Variants in RC3H2 observed in about 807,000 individuals in gnomAD.
The protein encoded by RC3H2 is roquin-2.
A neutral mutation model predicts 133.3 loss-of-function variants in RC3H2; 31 were observed. That is an observed-to-expected ratio of 0.23 (90% CI 0.17 to 0.31). The LOEUF (loss-of-function observed/expected upper bound fraction) is 0.31, where lower values mean the gene tolerates loss of function less well. Among genes scored for constraint, RC3H2 ranks in the 10% least tolerant of loss-of-function variants. The pLI is 1.00. For missense variants in RC3H2, 1,175 were observed against 1,437.2 expected (o/e 0.82, Z 2.95); for synonymous variants, 517 against 502.2 (o/e 1.03, Z -0.40).
At chr9:122,862,889 C>T (rs1019505418) in intron 10 of RC3H2, among the ~76,000 whole-genome samples, 3 of 117,590 alleles carry the variant, frequency 2.6e-5, no homozygotes, top group African/African-American at 9.8e-5. Flanking sequence ...GAGACTCCAT[C>T]TCAAAAAAAA....
At chr9:122,892,167 A>C (rs1832204861) in intron 3 of RC3H2, among the ~76,000 whole-genome samples, 1 of 151,320 alleles carries the variant, frequency 6.6e-6, no homozygotes, top group South Asian at 2.1e-4. Flanking sequence ...GGTTGAGTGC[A>C]GTGGCACGAT....
intron 18 of RC3H2, among the ~76,000 whole-genome samples, chr9:122,851,851 C>A (rs1027296504): frequency 6.6e-6 from 1 of 152,258 alleles, no homozygotes; most frequent in African/African-American, 2.4e-5. Flanking sequence ...TCGCTACAAC[C>A]TCCACCTCCC....
At chr9:122,852,426 T>C (rs1295329705) in intron 18 of RC3H2, among the ~76,000 whole-genome samples, 64 of 77,688 alleles carry the variant, frequency 8.2e-4, no homozygotes, top group South Asian at 3.4e-3. Flanking sequence ...GCCCCCCGCC[T>C]GGCCAGCCGC....
intron 1 of RC3H2, among the ~76,000 whole-genome samples, chr9:122,901,821 C>A (rs983433298): frequency 4.6e-5 from 7 of 151,904 alleles, no homozygotes; most frequent in Non-Finnish European, 8.8e-5. Context: ...AAACTCCTGA[C>A]CTCGTGATCT....
At chr9:122,853,693 A>C (rs1177742666) in intron 18 of RC3H2, 1 of 855,170 alleles carries the variant, frequency 1.2e-6, no homozygotes, top group Non-Finnish European at 1.7e-6. Flanking sequence ...CAGAGGCTGC[A>C]GTGAGCCAAG....
Position 122,849,765 on chromosome 9 carries a change from C to CA in RC3H2, c.3437dup (p.Ser1147ValfsTer3). 1 of 1,600,206 alleles carries CA rather than the reference C, an allele frequency of 6.2e-7. No individual in the cohort carries two copies. Among genetic ancestry groups the CA allele is most frequent in the South Asian group, 1.1e-5 (1 of 88,588 alleles). On this transcript the variant is annotated frameshift_variant, in exon 21 of 21. Transcript: ENST00000357244. LOFTEE classifies it high-confidence loss of function. ...GGAGGCAACTTGCATTGCTAATAGA[C>CA]ACTGGGAGTGGCTGGCTAAAGCAAG...
rs575577459 is a variant in RC3H2 at position 122,873,554 on chromosome 9, T to C, written c.1325+3917A>G. On this transcript the variant is annotated intron_variant, in intron 9 of 20. Coordinates refer to ENST00000357244, the MANE Select transcript of RC3H2 (RefSeq NM_001100588.3). Reference sequence around the variant, plus strand: ...TGAATCCCCATCTCTACAAAAAATATAAAAAAAATTTAGCCAGGCATGGTG... The same window carrying C: ...TGAATCCCCATCTCTACAAAAAATACAAAAAAAATTTAGCCAGGCATGGTG... Among the ~76,000 whole-genome samples the C allele has an allele frequency of 8.2e-4, 124 of 151,580 alleles. 2 individuals carry two copies. The highest frequency in any genetic ancestry group is 3.2e-4 in the Non-Finnish European group (22 of 67,816).
intron 15 of RC3H2, 37 bp from the exon 16 acceptor site, chr9:122,854,652 T>G (rs1262100372): frequency 3.6e-6 from 5 of 1,407,672 alleles, no homozygotes. Flanking sequence ...GTCAAAAAAG[T>G]GAAAAATCAG....
At chr9:122,883,886 T>C (rs973266315) in intron 4 of RC3H2, among the ~76,000 whole-genome samples, 1 of 151,992 alleles carries the variant, frequency 6.6e-6, no homozygotes, top group African/African-American at 2.4e-5. Context: ...TCCAGCTACT[T>C]TGGAGGCGGA....
rs1393745401 is a variant in RC3H2, at chr9:122,858,054, T to A, written c.2323A>T (p.Ile775Leu). The A allele has an allele frequency of 6.2e-7, 1 of 1,614,254 alleles. No individual in the cohort carries two copies. Among genetic ancestry groups the A allele is most frequent in the Non-Finnish European group, 8.5e-7 (1 of 1,180,038 alleles). The change falls in exon 13 of 21, where the codon ATA (isoleucine) becomes TTA (leucine). Residue 775 changes from isoleucine to leucine, a missense_variant. By Grantham distance (5) the Ile-to-Leu change is conservative (BLOSUM62 2). This residue lies in a region of RC3H2 where 490 missense variants were observed against 492.8 expected (regional missense o/e 0.99). Transcript: ENST00000357244. ...GHLKTSCEEQIRRKPDQWAQY... is the reference protein window; with the variant it reads ...GHLKTSCEEQLRRKPDQWAQY... Reference sequence around the variant, plus strand: ...GCCCACTGATCTGGCTTTCTTCTTATCTGCTCCTCGCAACTGGTCTTCAAA... The same window carrying A: ...GCCCACTGATCTGGCTTTCTTCTTAACTGCTCCTCGCAACTGGTCTTCAAA...
At chr9:122,896,728 A>C (rs1588114412) in intron 2 of RC3H2, among the ~76,000 whole-genome samples, 1 of 152,166 alleles carries the variant, frequency 6.6e-6, no homozygotes, top group East Asian at 1.9e-4. Context: ...TTGCCATTAA[A>C]GCCACATAAG....
intron 2 of RC3H2, among the ~76,000 whole-genome samples, chr9:122,894,411 G>A (rs558741002): frequency 6.6e-6 from 1 of 152,258 alleles, no homozygotes; most frequent in East Asian, 1.9e-4. Flanking sequence ...TAGTGGAGAG[G>A]AGAAGAGGTA....
Position 122,846,544 on chromosome 9 carries a change from T to C in RC3H2, c.*3083A>G, listed in dbSNP as rs1829872169. 6.6e-6 allele frequency: 1 copy of C among 152,166 alleles called. No homozygotes were observed. Among genetic ancestry groups the C allele is most frequent in the African/African-American group, 2.4e-5 (1 of 41,424 alleles). The allele number at this position is 152,166 out of a possible 1,614,324, so 9.4% of individuals were successfully genotyped here. ...TGATGCTACAACCACAGTAACTGAA[T>C]GCGGCACATGGATTTCAGAATGGAA... On this transcript the variant is annotated 3_prime_UTR_variant, in exon 21 of 21. Transcript: ENST00000357244.
intron 4 of RC3H2, 104 bp from the exon 5 acceptor site, chr9:122,883,483 C>T: frequency 8.1e-6 from 6 of 739,834 alleles, no homozygotes; most frequent in Admixed American, 3.3e-5. Flanking sequence ...GGCCCATTAC[C>T]CATAATTTAT....
In RC3H2 at chr9:122,883,280, T is replaced by A; in HGVS notation, c.683A>T (p.Glu228Val). 6.2e-7 allele frequency: 1 copy of A among 1,613,800 alleles called. No homozygotes were observed. Among genetic ancestry groups the A allele is most frequent in the Non-Finnish European group, 8.5e-7 (1 of 1,179,892 alleles). ...VLVLFVVQRL[E>V]PRFPQASKTS... is the part of the protein sequence containing the mutation. Reference sequence around the variant, plus strand: ...TTTTGATGCCTGAGGAAATCTTGGTTCTAGTCTCTGCACAACAAAAAGTAC... The same window carrying A: ...TTTTGATGCCTGAGGAAATCTTGGTACTAGTCTCTGCACAACAAAAAGTAC... Residue 228 changes from glutamate to valine, a missense_variant, in exon 5 of 21, where the codon GAA (glutamate) becomes GTA (valine). By Grantham distance (121) the Glu-to-Val change is moderately radical. Coordinates refer to ENST00000357244, the MANE Select transcript of RC3H2 (RefSeq NM_001100588.3).
intron 1 of RC3H2, among the ~76,000 whole-genome samples, chr9:122,901,855 C>G (rs1832663491): frequency 6.6e-6 from 1 of 151,696 alleles, no homozygotes; most frequent in Admixed American, 6.6e-5. Context: ...TCCCAAAGTC[C>G]TGGGATTACA....
At position 122,883,291 on chromosome 9, in the gene RC3H2, C is replaced by T; in HGVS notation, c.672G>A (p.Val224=). ...GAGGAAATCTTGGTTCTAGTCTCTG[C>T]ACAACAAAAAGTACCAGAACTTTCC... The part of the protein sequence containing the change: ...LSRKVLVLFV[V]QRLEPRFPQA... Residue 224 remains valine (V), a synonymous_variant, in exon 5 of 21, where the codon GTG becomes GTA. Transcript: ENST00000357244. 6.2e-7 allele frequency: 1 copy of T among 1,613,712 alleles called. No homozygotes were observed. Among genetic ancestry groups the T allele is most frequent in the Non-Finnish European group, 8.5e-7 (1 of 1,179,842 alleles).
At position 122,855,172 on chromosome 9, in the gene RC3H2, T is replaced by G; in HGVS notation, c.2815+12A>C. On this transcript the variant is annotated intron_variant, in intron 15 of 20. Coordinates refer to ENST00000357244, the MANE Select transcript of RC3H2 (RefSeq NM_001100588.3). Reference sequence around the variant, plus strand: ...AGAACATATCAGGCTAGGTATTATCTAAATGGATTACCTGATACACTGATG... The same window carrying G: ...AGAACATATCAGGCTAGGTATTATCGAAATGGATTACCTGATACACTGATG... 6.5e-7 allele frequency: 1 copy of G among 1,542,010 alleles called. No homozygotes were observed. The highest frequency in any genetic ancestry group is 9.0e-7 in the Non-Finnish European group (1 of 1,116,130).
At chr9:122,887,741 C>CTTT (rs112010654) in intron 4 of RC3H2, among the ~76,000 whole-genome samples, 1,226 of 118,014 alleles carry the variant, frequency 0.01, 16 homozygotes, top group East Asian at 0.036. Context: ...ATACTTGTAT[C>CTTT]TTTTTTTTTT....
Sources: allele counts gnomAD v4.1 joint callset (sites outside exome capture counted in the v4.1 genomes callset), GRCh38; gene constraint gnomAD v4.1.1; regional missense constraint gnomAD v4.1.1; transcripts MANE v1.5; gene names NCBI Gene and HGNC (gene_info 2026-07-23, HGNC 2026-07-21).